LILRB4: variants seen among roughly 807,000 people sequenced by gnomAD.
LILRB4 encodes the protein leukocyte immunoglobulin like receptor B4.
Under a neutral mutation model 55.2 loss-of-function variants are expected in LILRB4, and 49 were observed. The ratio of observed to expected loss-of-function variants is 0.89; its 90% CI spans 0.71 to 1.13. LILRB4 has a LOEUF of 1.13. Among genes scored for constraint, LILRB4 ranks in the 50% most tolerant of loss-of-function variants. The pLI, the probability that LILRB4 is intolerant of heterozygous loss-of-function variation, is 0.00. For missense variants in LILRB4, 590 were observed against 555.2 expected, an observed-to-expected ratio of 1.06 and a Z score of -0.63; for synonymous variants, 229 against 213.8, an observed-to-expected ratio of 1.07 and a Z score of -0.62.
chr19:54,665,014 G>A lies in LILRB4; in HGVS notation c.707-116G>A. ...AGGCACCACAGGCTCCCAAGGCCCT[G>A]AGGCTGGGCTGGTGAGGGGTGAGGG... On this transcript the variant is annotated intron_variant, in intron 5 of 11. Coordinates refer to ENST00000430952, the Ensembl canonical transcript of LILRB4. The surrounding 1 kb of genome is among the most constrained non-coding windows in gnomAD (Gnocchi z 5.5). The A allele has an allele frequency of 1.4e-6, 2 of 1,438,382 alleles. No homozygotes were observed. Among genetic ancestry groups the A allele is most frequent in the Non-Finnish European group, 1.9e-6 (2 of 1,031,042 alleles). 89.1% of individuals were successfully genotyped at this position (1,438,382 alleles called of 1,614,324 possible). A position where few individuals can be genotyped will look rare whatever the true frequency, so the allele number is the denominator to read the frequency against.
rs772626115 is a variant in LILRB4, at chr19:54,666,449, C to A, written c.988+13C>A. On this transcript the variant is annotated intron_variant, in intron 9 of 11. Coordinates refer to ENST00000430952, the Ensembl canonical transcript of LILRB4. This position sits in a 1 kb window ranked among gnomAD's most constrained non-coding sequence, Gnocchi z 4.8. ...GGAGAAAACTTCTGTGAGTGAGAGG[C>A]AGAGAAGGTGCACCTGGGGTGGAGC... The A allele has an allele frequency of 2.9e-5, 47 of 1,613,906 alleles. No homozygotes were observed. The highest frequency in any genetic ancestry group is 3.7e-5 in the Non-Finnish European group (44 of 1,179,900).
At chr19:54,667,598 G>C (rs755818449) in intron 10 of LILRB4, 37 bp from the exon 11 acceptor site, 8 of 1,608,678 alleles carry the variant, frequency 5.0e-6, no homozygotes, top group Non-Finnish European at 6.8e-6. Flanking sequence ...GGAGTCAGGA[G>C]GATTCAAGGA....
In LILRB4 at chr19:54,667,694, AC is replaced by A; in HGVS notation, c.1100del (p.Pro367LeufsTer43). On this transcript the variant is annotated frameshift_variant, in exon 11 of 12. Coordinates refer to ENST00000430952, the Ensembl canonical transcript of LILRB4. LOFTEE classifies it high-confidence loss of function. ...CGTATGCCAAGGTGAAACACTCCAG[AC>A]CTAGGAGAGAAATGGCCTCTCCTCC... 6.2e-7 allele frequency: 1 copy of A among 1,605,394 alleles called. No homozygotes were observed. Among genetic ancestry groups the A allele is most frequent in the Non-Finnish European group, 8.5e-7 (1 of 1,177,760 alleles).
Position 54,665,007 on chromosome 19 carries a change from A to G in LILRB4, c.707-123A>G. ...ACTTGGGAGGCACCACAGGCTCCCA[A>G]GGCCCTGAGGCTGGGCTGGTGAGGG... On this transcript the variant is annotated intron_variant, in intron 5 of 11. Coordinates refer to ENST00000430952, the Ensembl canonical transcript of LILRB4. The surrounding 1 kb of genome is among the most constrained non-coding windows in gnomAD (Gnocchi z 5.5). 2.9e-6 allele frequency: 4 copies of G among 1,402,668 alleles called. No homozygotes were observed. Among genetic ancestry groups the G allele is most frequent in the Non-Finnish European group, 4.0e-6 (4 of 999,384 alleles). The allele number at this position is 1,402,668 out of a possible 1,614,324, so 86.9% of individuals were successfully genotyped here. A position where few individuals can be genotyped will look rare whatever the true frequency, so the allele number is the denominator to read the frequency against.
In LILRB4 at chr19:54,666,123, A is replaced by G; in HGVS notation, c.875-117A>G. ...TTCTTTCGGTTTTTCTAAACTTAGA[A>G]AGTATTTAAAACATCCTTGCAAGTG... On this transcript the variant is annotated intron_variant, in intron 7 of 11. Coordinates refer to ENST00000430952, the Ensembl canonical transcript of LILRB4. The surrounding 1 kb of genome is among the most constrained non-coding windows in gnomAD (Gnocchi z 4.8). 8.0e-7 allele frequency: 1 copy of G among 1,257,054 alleles called. No individual in the cohort carries two copies. The highest frequency in any genetic ancestry group is 2.4e-5 in the East Asian group (1 of 42,528). The allele number at this position is 1,257,054 out of a possible 1,614,324, so 77.9% of individuals were successfully genotyped here.
Position 54,666,992 on chromosome 19 carries a change from G to T in LILRB4, c.1041+243G>T, listed in dbSNP as rs961903298. On this transcript the variant is annotated intron_variant, in intron 10 of 11. Transcript: ENST00000430952. The surrounding 1 kb of genome is among the most constrained non-coding windows in gnomAD (Gnocchi z 4.8). ...TGTTTGGCCATCTGGTTGTTAGAGAGCTCCCCAGGCCTCAGGAGGATGACG... is the reference window on the plus strand; with the variant it reads ...TGTTTGGCCATCTGGTTGTTAGAGATCTCCCCAGGCCTCAGGAGGATGACG... 15,370 of 645,392 alleles carry T rather than the reference G, an allele frequency of 0.024. 150 individuals are homozygous for T. The highest frequency in any genetic ancestry group is 0.053 in the African/African-American group (2,182 of 41,338). 40.0% of individuals were successfully genotyped at this position (645,392 alleles called of 1,614,324 possible).
At position 54,667,627 on chromosome 19, in the gene LILRB4, C is replaced by G. The variant is rs2065345243; in HGVS notation, c.1042-11C>G. Reference sequence around the variant, plus strand: ...TCAAGGACACCCCCCACCACTGTCTCTCTCCAGCAGAGCCCACACGATGAA... The same window carrying G: ...TCAAGGACACCCCCCACCACTGTCTGTCTCCAGCAGAGCCCACACGATGAA... On this transcript the variant is annotated splice_polypyrimidine_tract_variant and intron_variant, in intron 10 of 11. Transcript: ENST00000430952. The G allele has an allele frequency of 6.2e-7, 1 of 1,611,450 alleles. No individual in the cohort carries two copies. The highest frequency in any genetic ancestry group is 8.5e-7 in the Non-Finnish European group (1 of 1,179,630).
In LILRB4 at chr19:54,666,372, C is replaced by T. The variant is rs1484529946; in HGVS notation, c.951-27C>T. On this transcript the variant is annotated intron_variant, in intron 8 of 11. Coordinates refer to ENST00000430952, the Ensembl canonical transcript of LILRB4. This position sits in a 1 kb window ranked among gnomAD's most constrained non-coding sequence, Gnocchi z 4.8. The stretch of plus-strand genomic sequence containing the variant: ...CCATCCCAACAGCCACCTCACTGTC[C>T]CCTTACACTCCCGTATCCTCCCCCA... 9 of 1,613,164 alleles carry T rather than the reference C, an allele frequency of 5.6e-6. No individual in the cohort carries two copies. Among genetic ancestry groups the T allele is most frequent in the Non-Finnish European group, 6.8e-6 (8 of 1,179,464 alleles).
At chr19:54,667,440 A>T (rs2065334302) in intron 10 of LILRB4, 195 bp from the exon 11 acceptor site, 1 of 1,226,810 alleles carries the variant, frequency 8.2e-7, no homozygotes, top group African/African-American at 1.5e-5. Context: ...GCTGCAGCCA[A>T]ATGGGCAAGG....
In LILRB4 at chr19:54,664,397, C is replaced by CG; in HGVS notation, c.573dup (p.Thr192AspfsTer20). ...CCATGAGTCCTGTGACCTCAGTGCACGGGGGGACCTACAGGTGCTTCAGCT... is the reference window on the plus strand; with the variant it reads ...CCATGAGTCCTGTGACCTCAGTGCACGGGGGGGACCTACAGGTGCTTCAGCT... On this transcript the variant is annotated frameshift_variant, in exon 4 of 12. Coordinates refer to ENST00000430952, the Ensembl canonical transcript of LILRB4. LOFTEE classifies it high-confidence loss of function. The CG allele has an allele frequency of 1.2e-6, 2 of 1,613,566 alleles. No individual in the cohort carries two copies. Among genetic ancestry groups the CG allele is most frequent in the East Asian group, 2.2e-5 (1 of 44,800 alleles).
rs961903298 is a variant in LILRB4, at chr19:54,666,992, G to C, written c.1041+243G>C. 6 of 666,974 alleles carry C rather than the reference G, an allele frequency of 9.0e-6. No individual in the cohort carries two copies. The African/African-American group carries it at 1.2e-4, about 13-fold the overall frequency. 41.3% of individuals were successfully genotyped at this position (666,974 alleles called of 1,614,324 possible). A position where few individuals can be genotyped will look rare whatever the true frequency, so the allele number is the denominator to read the frequency against. On this transcript the variant is annotated intron_variant, in intron 10 of 11. Coordinates refer to ENST00000430952, the Ensembl canonical transcript of LILRB4. The surrounding 1 kb of genome is among the most constrained non-coding windows in gnomAD (Gnocchi z 4.8). Reference sequence around the variant, plus strand: ...TGTTTGGCCATCTGGTTGTTAGAGAGCTCCCCAGGCCTCAGGAGGATGACG... The same window carrying C: ...TGTTTGGCCATCTGGTTGTTAGAGACCTCCCCAGGCCTCAGGAGGATGACG...
Position 54,666,590 on chromosome 19 carries a change from C to G in LILRB4, c.989-107C>G. On this transcript the variant is annotated intron_variant, in intron 9 of 11. Coordinates refer to ENST00000430952, the Ensembl canonical transcript of LILRB4. The surrounding 1 kb of genome is among the most constrained non-coding windows in gnomAD (Gnocchi z 4.8). ...GTGGGACCTCGGGGACATCACAGCC[C>G]CTCCCTGCGTTGCAGTGGCACTAAT... 1 of 1,429,382 alleles carries G rather than the reference C, an allele frequency of 7.0e-7. No homozygotes were observed. The highest frequency in any genetic ancestry group is 9.7e-7 in the Non-Finnish European group (1 of 1,025,750). The allele number at this position is 1,429,382 out of a possible 1,614,324, so 88.5% of individuals were successfully genotyped here. A position where few individuals can be genotyped will look rare whatever the true frequency, so the allele number is the denominator to read the frequency against.
Position 54,665,488 on chromosome 19 carries a change from C to T in LILRB4, c.757+308C>T, listed in dbSNP as rs944897992. Among the ~76,000 whole-genome samples the T allele has an allele frequency of 1.3e-5, 2 of 151,930 alleles. No homozygotes were observed. The highest frequency in any genetic ancestry group is 4.8e-5 in the African/African-American group (2 of 41,366). ...CCTGGGGCAGGGGAGGGGAGCAGGG[C>T]GGTGGTTCAAGACAGTCAGGCTCTT... On this transcript the variant is annotated intron_variant, in intron 6 of 11. Transcript: ENST00000430952. This position sits in a 1 kb window ranked among gnomAD's most constrained non-coding sequence, Gnocchi z 5.5.
In LILRB4 at chr19:54,665,891, C is replaced by T; in HGVS notation, c.834C>T (p.Leu278=). 1 of 1,613,886 alleles carries T rather than the reference C, an allele frequency of 6.2e-7. No individual in the cohort carries two copies. The highest frequency in any genetic ancestry group is 8.5e-7 in the Non-Finnish European group (1 of 1,179,958). ...TGCTTCTCTCCCTCCTCCTCTTCCT[C>T]CTCCTCCAACACTGGCGTCAGGGAA... Residue 278 remains leucine, a synonymous_variant, in exon 7 of 12, where the codon CTC becomes CTT. Transcript: ENST00000430952. The surrounding 1 kb of genome is among the most constrained non-coding windows in gnomAD (Gnocchi z 5.5).
chr19:54,663,221 C>T lies in LILRB4; in HGVS notation c.34+154C>T, dbSNP rs757673239. On this transcript the variant is annotated intron_variant, in intron 1 of 11. Transcript: ENST00000430952. ...CAGCACTTTGGGAGGCCGAGGCGGGCGGATCACGAGGTCAGGAGATCGAGA... is the reference window on the plus strand; with the variant it reads ...CAGCACTTTGGGAGGCCGAGGCGGGTGGATCACGAGGTCAGGAGATCGAGA... Among the ~76,000 whole-genome samples, 112 of 151,854 alleles carry T rather than the reference C, an allele frequency of 7.4e-4. No homozygotes were observed. The highest frequency in any genetic ancestry group is 1.7e-3 in the South Asian group (8 of 4,808).
rs753889187 is a variant in LILRB4 at position 54,665,825 on chromosome 19, G to A, written c.768G>A (p.Arg256=). Residue 256 remains arginine (R), a synonymous_variant, in exon 7 of 12, where the codon AGG becomes AGA. Transcript: ENST00000430952. This position sits in a 1 kb window ranked among gnomAD's most constrained non-coding sequence, Gnocchi z 5.5. ...GTCATCACGCCCAAGGTCTGAGAAG[G>A]CACTGGGAGGTACTGATCGGGGTCT... 1 of 1,607,650 alleles carries A rather than the reference G, an allele frequency of 6.2e-7. No homozygotes were observed. The highest frequency in any genetic ancestry group is 8.5e-7 in the Non-Finnish European group (1 of 1,177,144).
intron 10 of LILRB4, chr19:54,667,237 G>T (rs971267285): frequency 5.3e-6 from 3 of 563,278 alleles, no homozygotes; most frequent in Admixed American, 2.2e-5. Context: ...CATAAACCAG[G>T]TAAAGGGCAG....
rs2065231306 is a variant in LILRB4 at position 54,665,665 on chromosome 19, G to T, written c.758-150G>T. On this transcript the variant is annotated intron_variant, in intron 6 of 11. Transcript: ENST00000430952. This position sits in a 1 kb window ranked among gnomAD's most constrained non-coding sequence, Gnocchi z 5.5. ...GCCTCAGTTTGTGCATCTGTGAAATGGGTGGAGAGAGGGTGGCAATCTCAG... is the reference window on the plus strand; with the variant it reads ...GCCTCAGTTTGTGCATCTGTGAAATTGGTGGAGAGAGGGTGGCAATCTCAG... 7 of 991,242 alleles carry T rather than the reference G, an allele frequency of 7.1e-6. No individual in the cohort carries two copies. The highest frequency in any genetic ancestry group is 1.1e-5 in the Non-Finnish European group (7 of 639,952). The allele number at this position is 991,242 out of a possible 1,614,324, so 61.4% of individuals were successfully genotyped here.
Position 54,666,185 on chromosome 19 carries a change from C to G in LILRB4, c.875-55C>G, listed in dbSNP as rs2065252490. The G allele has an allele frequency of 2.0e-6, 3 of 1,490,624 alleles. No homozygotes were observed. The highest frequency in any genetic ancestry group is 2.2e-5 in the Admixed American group (1 of 45,602). The allele number at this position is 1,490,624 out of a possible 1,614,324, so 92.3% of individuals were successfully genotyped here. A position where few individuals can be genotyped will look rare whatever the true frequency, so the allele number is the denominator to read the frequency against. ...TTCCTTTCCTCTTGACTTGCATGTG[C>G]AAGGCAGGTGGTTCTAACGTTCCCA... On this transcript the variant is annotated intron_variant, in intron 7 of 11. Transcript: ENST00000430952. This position sits in a 1 kb window ranked among gnomAD's most constrained non-coding sequence, Gnocchi z 4.8.
Sources: allele counts gnomAD v4.1 joint callset (sites outside exome capture counted in the v4.1 genomes callset), GRCh38; gene constraint gnomAD v4.1.1; non-coding constraint Gnocchi (gnomAD v3.1); transcripts MANE v1.5; gene names NCBI Gene and HGNC (gene_info 2026-07-23, HGNC 2026-07-21).